The following SMOC2 variants were observed in gnomAD, a reference collection of about 807,000 sequenced individuals.
SMOC2 encodes the protein SPARC related modular calcium binding 2.
In SMOC2, 39 loss-of-function variants were observed where a neutral mutation model predicts 61.4. The observed-to-expected ratio is 0.64, with a 90% CI of 0.49 to 0.83. The LOEUF (loss-of-function observed/expected upper bound fraction) is 0.83, where lower values mean the gene tolerates loss of function less well. Among genes scored for constraint, SMOC2 ranks in the 40% least tolerant of loss-of-function variants. The probability of loss-of-function intolerance (pLI) is 0.00; values close to 1 mark genes in which losing one functional copy is unlikely to be tolerated. For missense variants in SMOC2, 556 were observed against 592.9 expected (o/e 0.94, Z 0.65); for synonymous variants, 247 against 239.9 (o/e 1.03, Z -0.27).
intron 1 of SMOC2, among the ~76,000 whole-genome samples, chr6:168,471,327 G>A (rs930557842): frequency 6.6e-6 from 1 of 152,114 alleles, no homozygotes; most frequent in Admixed American, 6.5e-5. Context: ...CATATATGTA[G>A]AATCATGCAG....
intron 1 of SMOC2, among the ~76,000 whole-genome samples, chr6:168,451,218 A>G (rs1781453998): frequency 6.6e-6 from 1 of 152,212 alleles, no homozygotes; most frequent in Non-Finnish European, 1.5e-5. Context: ...AATCATCAGT[A>G]AAATGCTAAA....
intron 1 of SMOC2, among the ~76,000 whole-genome samples, chr6:168,500,655 C>A (rs549907537): frequency 6.6e-6 from 1 of 152,284 alleles, no homozygotes; most frequent in Admixed American, 6.5e-5. Context: ...GCAGCTCTGG[C>A]CAGACACTGC....
intron 1 of SMOC2, among the ~76,000 whole-genome samples, chr6:168,454,803 G>A (rs555925929): frequency 2.6e-5 from 4 of 152,250 alleles, no homozygotes; most frequent in Admixed American, 6.5e-5. Flanking sequence ...AGCTACACCT[G>A]TACTGGCCAT....
At chr6:168,618,225 T>C (rs1404722079) in intron 9 of SMOC2, among the ~76,000 whole-genome samples, 1 of 152,248 alleles carries the variant, frequency 6.6e-6, no homozygotes, top group African/African-American at 2.4e-5. Flanking sequence ...CATTTTGCAC[T>C]GAGCCCTACA....
At chr6:168,471,867 C>T (rs1428100324) in intron 1 of SMOC2, among the ~76,000 whole-genome samples, 1 of 152,112 alleles carries the variant, frequency 6.6e-6, no homozygotes, top group Non-Finnish European at 1.5e-5. Context: ...TTTTCTTATT[C>T]AAGTCCTGTG....
Position 168,667,233 on chromosome 6 carries a change from G to A in SMOC2, c.*795G>A, listed in dbSNP as rs1374809722. 3.3e-5 allele frequency: 5 copies of A among 152,190 alleles called. No homozygotes were observed. Among genetic ancestry groups the A allele is most frequent in the Non-Finnish European group, 7.3e-5 (5 of 68,064 alleles). The allele number at this position is 152,190 out of a possible 1,614,324, so 9.4% of individuals were successfully genotyped here. On this transcript the variant is annotated 3_prime_UTR_variant, in exon 13 of 13. Transcript: ENST00000356284. ...CTTCCAAAATGTAAATCCAGTCGCG[G>A]TGTGACCGAGCTGGCTAACAGGCTT...
At chr6:168,495,903 C>T (rs760924201) in intron 1 of SMOC2, among the ~76,000 whole-genome samples, 2 of 152,220 alleles carry the variant, frequency 1.3e-5, no homozygotes, top group Non-Finnish European at 2.9e-5. Flanking sequence ...CACCGATGAG[C>T]GGTCAGGGCC....
At chr6:168,658,391 T>C (rs1440269693) in intron 11 of SMOC2, among the ~76,000 whole-genome samples, 1 of 152,152 alleles carries the variant, frequency 6.6e-6, no homozygotes, top group Non-Finnish European at 1.5e-5. Context: ...TAGAGCCAAG[T>C]GTAGATCTGT....
At chr6:168,584,547 A>G (rs1785001762) in intron 7 of SMOC2, among the ~76,000 whole-genome samples, 1 of 152,224 alleles carries the variant, frequency 6.6e-6, no homozygotes, top group African/African-American at 2.4e-5. Context: ...CTTAAAAAAA[A>G]AAAGCATTCA....
At chr6:168,445,457 A>T (rs555167767) in intron 1 of SMOC2, among the ~76,000 whole-genome samples, 80 of 152,334 alleles carry the variant, frequency 5.3e-4, no homozygotes, top group African/African-American at 1.9e-3. Context: ...TAATTTTTTT[A>T]AAGTTTCATT....
rs984910782 is a variant in SMOC2 at position 168,457,380 on chromosome 6, C to T, written c.84+15926C>T. ...CCCCACCTTCAACACAAGCAGTGCC[C>T]GAGGGGCTGGCTGACTGCGATGGAC... is the stretch of plus-strand genomic sequence containing the variant. On this transcript the variant is annotated intron_variant, in intron 1 of 12. Coordinates refer to ENST00000356284, the MANE Select transcript of SMOC2 (RefSeq NM_001166412.2). Among the ~76,000 whole-genome samples the T allele has an allele frequency of 3.9e-5, 6 of 152,264 alleles. No individual in the cohort carries two copies. In the East Asian group the frequency reaches 7.7e-4, roughly 20 times the overall value.
intron 1 of SMOC2, among the ~76,000 whole-genome samples, chr6:168,451,643 G>A (rs1451681365): frequency 1.3e-5 from 2 of 150,340 alleles, no homozygotes; most frequent in Non-Finnish European, 3.0e-5. Context: ...CCCTCTCTGG[G>A]TGTATATTTT....
At chr6:168,603,749 G>A (rs1366327246) in intron 8 of SMOC2, among the ~76,000 whole-genome samples, 1 of 151,904 alleles carries the variant, frequency 6.6e-6, no homozygotes, top group East Asian at 1.9e-4. Flanking sequence ...GAGGGACTTG[G>A]GATGGGGCAC....
chr6:168,493,585 T>C (rs1782519369), intron 1 of SMOC2, among the ~76,000 whole-genome samples: 1 of 152,194 alleles, frequency 6.6e-6, no homozygotes, highest in South Asian at 2.1e-4. Flanking sequence ...CAAGATATCT[T>C]CAGAATGGAA....
chr6:168,577,088 A>G (rs1031841867), intron 7 of SMOC2, among the ~76,000 whole-genome samples: 11 of 152,176 alleles, frequency 7.2e-5, no homozygotes, highest in Admixed American at 3.3e-4. Context: ...TCTTAAAACC[A>G]AAGTTCCACC....
Position 168,448,919 on chromosome 6 carries a change from C to A in SMOC2, c.84+7465C>A, listed in dbSNP as rs73270951. On this transcript the variant is annotated intron_variant, in intron 1 of 12. Transcript: ENST00000356284. ...GTCCCTGTGTTGGGCAGACACATAT[C>A]ACCAAATATTTTCCAATTTTACTAT... Among the ~76,000 whole-genome samples the A allele has an allele frequency of 4.1e-3, 627 of 152,200 alleles. 7 individuals carry two copies. The highest frequency in any genetic ancestry group is 0.014 in the African/African-American group (588 of 41,520).
At chr6:168,624,322 C>T (rs1353931249) in intron 9 of SMOC2, among the ~76,000 whole-genome samples, 1 of 152,212 alleles carries the variant, frequency 6.6e-6, no homozygotes, top group Non-Finnish European at 1.5e-5. Context: ...CACATGGAAG[C>T]TAATCTGAGC....
chr6:168,600,668 T>G (rs1039084324), intron 8 of SMOC2, among the ~76,000 whole-genome samples: 32 of 152,340 alleles, frequency 2.1e-4, no homozygotes, highest in African/African-American at 7.7e-4. Context: ...CTTCTGCTCC[T>G]GGTTTTGGGA....
At position 168,475,075 on chromosome 6, in the gene SMOC2, G is replaced by C. The variant is rs1168547048; in HGVS notation, c.84+33621G>C. The stretch of plus-strand genomic sequence containing the variant: ...TAGCTTCAGAATAGATCCCTTTATG[G>C]TAGGTCAGCACTCATGCCATACACT... On this transcript the variant is annotated intron_variant, in intron 1 of 12. Transcript: ENST00000356284. This position sits in a 1 kb window ranked among gnomAD's most constrained non-coding sequence, Gnocchi z 4.6. 6.6e-6 allele frequency among the ~76,000 whole-genome samples: 1 copy of C among 152,078 alleles called. No individual in the cohort carries two copies. Among genetic ancestry groups the C allele is most frequent in the African/African-American group, 2.4e-5 (1 of 41,438 alleles).
Sources: allele counts gnomAD v4.1 joint callset (sites outside exome capture counted in the v4.1 genomes callset), GRCh38; gene constraint gnomAD v4.1.1; non-coding constraint Gnocchi (gnomAD v3.1); transcripts MANE v1.5; gene names NCBI Gene and HGNC (gene_info 2026-07-23, HGNC 2026-07-21).